Variants in LPIN2 observed in about 807,000 individuals in gnomAD.
LPIN2 encodes lipin 2.
A neutral mutation model predicts 111.4 loss-of-function variants in LPIN2; 55 were observed. The observed-to-expected ratio is 0.49, with a 90% CI of 0.40 to 0.62. The LOEUF (loss-of-function observed/expected upper bound fraction) is 0.62, where lower values mean the gene tolerates loss of function less well. Ranked by LOEUF, LPIN2 falls within the 20% of genes least tolerant of loss-of-function variation. The probability of loss-of-function intolerance (pLI) is 0.00; values close to 1 mark genes in which losing one functional copy is unlikely to be tolerated. For synonymous variants in LPIN2, 425 were observed against 414.0 expected, an observed-to-expected ratio of 1.03 and a Z score of -0.32; for missense variants, 992 against 1,112.1, an observed-to-expected ratio of 0.89 and a Z score of 1.54.
chr18:3,008,026 G>A (rs1358510970), intron 1 of LPIN2, among the ~76,000 whole-genome samples: 4 of 152,186 alleles, frequency 2.6e-5, no homozygotes, highest in African/African-American at 9.7e-5. Flanking sequence ...CAATTCTACT[G>A]TTTAGTCAGG....
intron 1 of LPIN2, chr18:2,990,846 C>A: frequency 2.3e-6 from 1 of 435,432 alleles, no homozygotes; most frequent in Admixed American, 2.8e-5. Flanking sequence ...CTGTTCCCCG[C>A]CGGCAGGGAC....
At chr18:3,000,217 T>C (rs1334670344) in intron 1 of LPIN2, among the ~76,000 whole-genome samples, 1 of 151,584 alleles carries the variant, frequency 6.6e-6, no homozygotes, top group Non-Finnish European at 1.5e-5. Flanking sequence ...AGGAAAAAGA[T>C]GAATATCAGA....
chr18:3,011,903 TCTGCCGCTTCTCCCCCGCTTCAGCATCAC>T (rs1162716408), intron 1 of LPIN2: 3 of 152,304 alleles, frequency 2.0e-5, no homozygotes, highest in African/African-American at 7.2e-5. Flanking sequence ...TGTGGCCGGC[TCTGCCGCTTCTCCCCCGCTTCAGCATCAC>T]CTGCCACTTC....
chr18:2,987,948 G>A (rs1302054933), intron 1 of LPIN2, among the ~76,000 whole-genome samples: 1 of 147,360 alleles, frequency 6.8e-6, no homozygotes, highest in African/African-American at 2.6e-5. Flanking sequence ...CTGAGGCGGA[G>A]GTTGCAGTGA....
intron 1 of LPIN2, chr18:2,991,149 T>C (rs919256085): frequency 1.5e-5 from 5 of 336,134 alleles, no homozygotes; most frequent in Non-Finnish European, 3.0e-5. Context: ...GAGATCACAA[T>C]GCTGTGACTC....
intron 4 of LPIN2, among the ~76,000 whole-genome samples, chr18:2,949,110 A>G (rs1294221699): frequency 6.6e-6 from 1 of 152,160 alleles, no homozygotes; most frequent in Non-Finnish European, 1.5e-5. Flanking sequence ...GCCTTTTAAT[A>G]ATGTTTTTAA....
intron 3 of LPIN2, among the ~76,000 whole-genome samples, chr18:2,952,869 T>C (rs1443351009): frequency 2.6e-5 from 4 of 152,198 alleles, no homozygotes; most frequent in Non-Finnish European, 5.9e-5. Flanking sequence ...GTGCAGCTAT[T>C]AAAAGCACAG....
chr18:2,988,874 A>G (rs1042793800), intron 1 of LPIN2, among the ~76,000 whole-genome samples: 1 of 152,200 alleles, frequency 6.6e-6, no homozygotes, highest in Admixed American at 6.5e-5. Context: ...AATATAAAAA[A>G]GCTCTCTCAG....
chr18:3,012,647 G>A (rs2078626026), intron 1 of LPIN2, among the ~76,000 whole-genome samples: 2 of 152,322 alleles, frequency 1.3e-5, no homozygotes, highest in South Asian at 2.1e-4. Context: ...CTCCCGCAGG[G>A]CCGGGGGCGG....
intron 4 of LPIN2, chr18:2,945,487 C>CCA: frequency 1.2e-6 from 1 of 852,104 alleles, no homozygotes; most frequent in Non-Finnish European, 2.0e-6. Flanking sequence ...CAGCAAGCCA[C>CCA]CACTTCACAC....
intron 1 of LPIN2, among the ~76,000 whole-genome samples, chr18:3,002,607 T>C (rs1391011205): frequency 6.6e-5 from 10 of 152,214 alleles, no homozygotes; most frequent in Non-Finnish European, 1.5e-4. Flanking sequence ...ACACATGTTG[T>C]GCATAACATT....
chr18:2,959,672 A>G (rs1465951144), intron 2 of LPIN2, among the ~76,000 whole-genome samples: 1 of 152,220 alleles, frequency 6.6e-6, no homozygotes, highest in East Asian at 1.9e-4. Flanking sequence ...GAGGATAAGA[A>G]AAACCTACAC....
chr18:2,943,905 T>A (rs1336875927), intron 4 of LPIN2, among the ~76,000 whole-genome samples: 2 of 152,230 alleles, frequency 1.3e-5, no homozygotes, highest in African/African-American at 4.8e-5. Context: ...TAGAATGATA[T>A]ATATGCTTTA....
intron 1 of LPIN2, among the ~76,000 whole-genome samples, chr18:3,003,128 C>G (rs1315770042): frequency 2.6e-5 from 4 of 152,160 alleles, no homozygotes; most frequent in Non-Finnish European, 5.9e-5. Flanking sequence ...AATGATACAT[C>G]AAAAGTATAT....
chr18:3,007,795 C>A (rs981089275), intron 1 of LPIN2, among the ~76,000 whole-genome samples: 1 of 152,106 alleles, frequency 6.6e-6, no homozygotes, highest in Non-Finnish European at 1.5e-5. Context: ...TGGCACATAC[C>A]GGAGGGCAAT....
At chr18:2,934,951 C>T (rs1598536494) in intron 7 of LPIN2, among the ~76,000 whole-genome samples, 1 of 152,172 alleles carries the variant, frequency 6.6e-6, no homozygotes, top group Non-Finnish European at 1.5e-5. Context: ...ACATCTTAAA[C>T]AATAATCACG....
At chr18:2,985,724 T>C (rs570302131) in intron 1 of LPIN2, among the ~76,000 whole-genome samples, 29 of 152,338 alleles carry the variant, frequency 1.9e-4, no homozygotes, top group Admixed American at 1.3e-3. Flanking sequence ...AGAATTTGCT[T>C]ATCTGAAGCT....
At chr18:2,971,785 C>T (rs1447352012) in intron 1 of LPIN2, among the ~76,000 whole-genome samples, 2 of 148,136 alleles carry the variant, frequency 1.4e-5, no homozygotes, top group Admixed American at 6.7e-5. Context: ...CGGTGGCTCA[C>T]GACTGTAATC....
intron 4 of LPIN2, among the ~76,000 whole-genome samples, chr18:2,944,490 T>G (rs568554758): frequency 6.6e-6 from 1 of 151,950 alleles, no homozygotes; most frequent in East Asian, 1.9e-4. Context: ...TAGCTGGGAC[T>G]ACAGGCACCC....
Sources: allele counts gnomAD v4.1 joint callset (sites outside exome capture counted in the v4.1 genomes callset), GRCh38; gene constraint gnomAD v4.1.1; transcripts MANE v1.5; gene names NCBI Gene and HGNC (gene_info 2026-07-23, HGNC 2026-07-21).